The following PIEZO2 variants were observed in gnomAD, a reference collection of about 807,000 sequenced individuals.
PIEZO2 encodes piezo-type mechanosensitive ion channel component 2.
In PIEZO2, 172 loss-of-function variants were observed where a neutral mutation model predicts 337.3. That is an observed-to-expected ratio of 0.51 (90% CI 0.45 to 0.58). PIEZO2 has a LOEUF of 0.58. PIEZO2 is among the 20% of genes least tolerant of loss of function. The pLI, the probability that PIEZO2 is intolerant of heterozygous loss-of-function variation, is 0.00. For synonymous variants in PIEZO2, 1,251 were observed against 1,228.5 expected (o/e 1.02, Z -0.38); for missense variants, 3,028 against 3,391.3 (o/e 0.89, Z 2.66).
At chr18:11,046,245 A>G (rs1249327934) in intron 2 of PIEZO2, among the ~76,000 whole-genome samples, 1 of 152,230 alleles carries the variant, frequency 6.6e-6, no homozygotes, top group East Asian at 1.9e-4. Flanking sequence ...TGAGCAACAT[A>G]TGGTTGAATG....
chr18:10,872,372 C>T lies in PIEZO2; in HGVS notation c.330-957G>A, dbSNP rs1014110248. On this transcript the variant is annotated intron_variant, in intron 4 of 55. Transcript: ENST00000674853. This position sits in a 1 kb window ranked among gnomAD's most constrained non-coding sequence, Gnocchi z 4.3. ...AACTGGAAAAGGAGGAGAGATCTGT[C>T]TGGGAAGGTAATACAAACGCCATCT... is the stretch of plus-strand genomic sequence containing the variant. Among the ~76,000 whole-genome samples, 4 of 152,088 alleles carry T rather than the reference C, an allele frequency of 2.6e-5. No individual in the cohort carries two copies. Among genetic ancestry groups the T allele is most frequent in the Non-Finnish European group, 5.9e-5 (4 of 68,010 alleles).
At chr18:10,684,876 C>G (rs2034479427) in intron 49 of PIEZO2, among the ~76,000 whole-genome samples, 1 of 152,018 alleles carries the variant, frequency 6.6e-6, no homozygotes, top group Non-Finnish European at 1.5e-5. Context: ...GTGTCTTGCT[C>G]TGCTGCCCTG....
rs188304077 is a variant in PIEZO2, at chr18:10,741,570, C to T, written c.4637-468G>A. On this transcript the variant is annotated intron_variant, in intron 32 of 55. Transcript: ENST00000674853. ...TTCCTGGTCATGAATAGATACTATG[C>T]ACTGGGAAAATATCATGCATTATTT... Among the ~76,000 whole-genome samples, 660 of 152,240 alleles carry T rather than the reference C, an allele frequency of 4.3e-3. 6 individuals are homozygous for T. Among genetic ancestry groups the T allele is most frequent in the African/African-American group, 0.015 (629 of 41,536 alleles).
At position 10,681,764 on chromosome 18, in the gene PIEZO2, A is replaced by C. The variant is rs951481008; in HGVS notation, c.7687-11T>G. ...CATTGTGAAAATAGGCTGGAAAACA[A>C]AGAGAACAGTGTTGTCAATATTCCC... On this transcript the variant is annotated splice_polypyrimidine_tract_variant and intron_variant, in intron 50 of 55. Transcript: ENST00000674853. 2 of 1,583,594 alleles carry C rather than the reference A, an allele frequency of 1.3e-6. No homozygotes were observed. The highest frequency in any genetic ancestry group is 2.7e-5 in the African/African-American group (2 of 74,396).
chr18:10,924,112 C>T (rs1448662384), intron 3 of PIEZO2, among the ~76,000 whole-genome samples: 2 of 152,212 alleles, frequency 1.3e-5, no homozygotes, highest in Admixed American at 1.3e-4. Flanking sequence ...GCCACCACAG[C>T]CCAATTCCTG....
In PIEZO2 at chr18:10,715,933, TAAG is replaced by T. The variant is rs1291511246; in HGVS notation, c.5090-120_5090-118del. The T allele has an allele frequency of 1.4e-5, 11 of 801,350 alleles. No individual in the cohort carries two copies. The African/African-American group carries it at 1.6e-4, about 11-fold the overall frequency. 49.6% of individuals were successfully genotyped at this position (801,350 alleles called of 1,614,324 possible). A position where few individuals can be genotyped will look rare whatever the true frequency, so the allele number is the denominator to read the frequency against. ...CCTGGCTCTTGGCCCGTGCATCTAA[TAAG>T]GCATGTGACTCAGATACTCATGACG... On this transcript the variant is annotated intron_variant, in intron 37 of 55. Transcript: ENST00000674853.
intron 2 of PIEZO2, among the ~76,000 whole-genome samples, chr18:11,057,038 A>G (rs1298378594): frequency 2.0e-5 from 3 of 151,988 alleles, no homozygotes; most frequent in Admixed American, 2.0e-4. Context: ...TTAACTAATG[A>G]CTAGCTTGGG....
At chr18:10,780,191 A>G (rs1057105721) in intron 18 of PIEZO2, 134 bp downstream of exon 18, 4 of 636,276 alleles carry the variant, frequency 6.3e-6, no homozygotes, top group Non-Finnish European at 1.1e-5. Flanking sequence ...TTTGCAAAAT[A>G]CATCCATGAG....
rs376765997 is a variant in PIEZO2, at chr18:10,782,288, A to T, written c.2493-1922T>A. Among the ~76,000 whole-genome samples the T allele has an allele frequency of 2.8e-3, 9 of 3,182 alleles. 1 individual carries two copies. Among genetic ancestry groups the T allele is most frequent in the East Asian group, 0.042 (1 of 24 alleles). The allele number at this position is 3,182 out of a possible 152,430, so 2.1% of individuals were successfully genotyped here. A position where few individuals can be genotyped will look rare whatever the true frequency, so the allele number is the denominator to read the frequency against. On this transcript the variant is annotated intron_variant, in intron 17 of 55. Transcript: ENST00000674853. ...TATATGTAAACAATTATATAATATA[A>T]TTATAATTATATATAAATAATTATA...
Position 11,022,916 on chromosome 18 carries a change from C to G in PIEZO2, c.160+43211G>C, listed in dbSNP as rs1396718524. On this transcript the variant is annotated intron_variant, in intron 2 of 55. Transcript: ENST00000674853. The stretch of plus-strand genomic sequence containing the variant: ...CGGATGTGTTCAGAGTTTCTTCCTT[C>G]TGGTGGGTTCGTGGTCTCGCTGGCT... Among the ~76,000 whole-genome samples the G allele has an allele frequency of 2.0e-5, 3 of 152,014 alleles. No homozygotes were observed. The South Asian group carries it at 6.2e-4, about 32-fold the overall frequency.
intron 7 of PIEZO2, among the ~76,000 whole-genome samples, chr18:10,829,778 T>C (rs558940669): frequency 2.6e-5 from 4 of 151,842 alleles, no homozygotes; most frequent in Non-Finnish European, 2.9e-5. Context: ...CTATAAAACA[T>C]TGATGGAAAA....
Position 10,877,869 on chromosome 18 carries a change from G to A in PIEZO2, c.330-6454C>T, listed in dbSNP as rs1267948647. 6.6e-6 allele frequency among the ~76,000 whole-genome samples: 1 copy of A among 152,070 alleles called. No individual in the cohort carries two copies. Reference sequence around the variant, plus strand: ...CCAGATCTGGTTTCCCTTATCTCTTGCCATCATTTCCCTCTACCTCAAATT... The same window carrying A: ...CCAGATCTGGTTTCCCTTATCTCTTACCATCATTTCCCTCTACCTCAAATT... On this transcript the variant is annotated intron_variant, in intron 4 of 55. Coordinates refer to ENST00000674853, the MANE Select transcript of PIEZO2 (RefSeq NM_001378183.1). The surrounding 1 kb of genome is among the most constrained non-coding windows in gnomAD (Gnocchi z 5.3).
At position 10,705,562 on chromosome 18, in the gene PIEZO2, C is replaced by G. The variant is rs1196493905; in HGVS notation, c.5773G>C (p.Glu1925Gln). 2 of 1,537,256 alleles carry G rather than the reference C, an allele frequency of 1.3e-6. No homozygotes were observed. Among genetic ancestry groups the G allele is most frequent in the East Asian group, 4.9e-5 (2 of 40,896 alleles). The stretch of plus-strand genomic sequence containing the variant: ...GTGGAGAACTGTGTCAGCTCTTCCT[C>G]TGGGGTGAGGCTGGCCTCCTCGGCA... ...MGAEEASLTP[E>Q]EELTQFSTLD... Residue 1925 changes from glutamate (E) to glutamine (Q), a missense_variant, in exon 41 of 56, where the codon GAG (glutamate) becomes CAG (glutamine). Transcript: ENST00000674853.
intron 3 of PIEZO2, among the ~76,000 whole-genome samples, chr18:10,976,786 A>G (rs1375113117): frequency 1.3e-5 from 2 of 152,126 alleles, no homozygotes; most frequent in Non-Finnish European, 2.9e-5. Flanking sequence ...AGGTTAGGAG[A>G]GGCAGACCTA....
chr18:10,788,142 C>T (rs769499716), intron 15 of PIEZO2, among the ~76,000 whole-genome samples: 1 of 152,054 alleles, frequency 6.6e-6, no homozygotes, highest in Non-Finnish European at 1.5e-5. Flanking sequence ...TGGCTCATGC[C>T]TGTAATCCCA....
At chr18:10,776,876 C>T (rs1458488838) in intron 18 of PIEZO2, among the ~76,000 whole-genome samples, 1 of 152,128 alleles carries the variant, frequency 6.6e-6, no homozygotes, top group African/African-American at 2.4e-5. Context: ...TAAAAACCCA[C>T]TCTAGTAAAA....
chr18:10,719,969 T>C (rs908123720), intron 36 of PIEZO2, among the ~76,000 whole-genome samples: 4 of 152,020 alleles, frequency 2.6e-5, no homozygotes, highest in African/African-American at 7.3e-5. Context: ...AGAACATTTA[T>C]AATTTGGTGT....
At chr18:10,734,610 C>T (rs1452820554) in intron 35 of PIEZO2, among the ~76,000 whole-genome samples, 1 of 152,162 alleles carries the variant, frequency 6.6e-6, no homozygotes, top group Non-Finnish European at 1.5e-5. Flanking sequence ...AACGAAGCGA[C>T]TACAGCATAG....
rs28414751 is a variant in PIEZO2 at position 10,719,363 on chromosome 18, G to A, written c.5030-1104C>T. Reference sequence around the variant, plus strand: ...CAATCCCCCTGTCCCCAACTCTCCCGCATTTGATAATCTCCAGTGTCTATG... The same window carrying A: ...CAATCCCCCTGTCCCCAACTCTCCCACATTTGATAATCTCCAGTGTCTATG... On this transcript the variant is annotated intron_variant, in intron 36 of 55. Coordinates refer to ENST00000674853, the MANE Select transcript of PIEZO2 (RefSeq NM_001378183.1). Among the ~76,000 whole-genome samples the A allele has an allele frequency of 3.4e-3, 512 of 152,134 alleles. 3 individuals carry two copies. Among genetic ancestry groups the A allele is most frequent in the African/African-American group, 0.012 (492 of 41,500 alleles).
Sources: gnomAD v4.1 joint callset for allele counts (sites outside exome capture counted in the v4.1 genomes callset) on GRCh38, gnomAD v4.1.1 for gene constraint, Gnocchi (gnomAD v3.1) non-coding constraint, MANE v1.5 for transcripts, NCBI Gene and HGNC (gene_info 2026-07-23, HGNC 2026-07-21) for gene names.